RNLS: variants seen among roughly 807,000 people sequenced by gnomAD.
RNLS encodes renalase, FAD dependent amine oxidase, also known as renalase.
Under a neutral mutation model 39.8 loss-of-function variants are expected in RNLS, and 39 were observed. That is an observed-to-expected ratio of 0.98 (90% CI 0.76 to 1.28). The LOEUF is 1.28. Among genes scored for constraint, RNLS ranks in the 50% most tolerant of loss-of-function variants. The probability of loss-of-function intolerance (pLI) is 0.00; values close to 1 mark genes in which losing one functional copy is unlikely to be tolerated. For synonymous variants in RNLS, 147 were observed against 150.7 expected, an observed-to-expected ratio of 0.98 and a Z score of 0.18; for missense variants, 410 against 413.3, an observed-to-expected ratio of 0.99 and a Z score of 0.07.
chr10:88,218,736 C>T, the RNLS span, among the ~76,000 whole-genome samples: 1 of 152,218 alleles, frequency 6.6e-6, no homozygotes, highest in Non-Finnish European at 1.5e-5. Context: ...GATTCTTCAT[C>T]TTAAATCACC....
the RNLS span, among the ~76,000 whole-genome samples, chr10:88,233,583 G>A: frequency 6.6e-6 from 1 of 152,142 alleles, no homozygotes; most frequent in Non-Finnish European, 1.5e-5. Context: ...GGATAAGTAC[G>A]TCCCATGCAA....
intron 4 of RNLS, among the ~76,000 whole-genome samples, chr10:88,463,544 G>A (rs917281038): frequency 6.6e-5 from 10 of 151,860 alleles, no homozygotes; most frequent in African/African-American, 2.2e-4. Flanking sequence ...CATACAAACT[G>A]TAAATTCTTC....
In RNLS at chr10:88,583,163, C is replaced by G; in HGVS notation, c.28G>C (p.Gly10Arg). Residue 10 changes from glycine to arginine, a missense_variant, in exon 1 of 7, where the codon GGG (glycine) becomes CGG (arginine). Physicochemically the swap from Gly to Arg is moderately radical, Grantham distance 125. Coordinates refer to ENST00000331772, the MANE Select transcript of RNLS (RefSeq NM_001031709.3). ...GCAGCGCACAAGCTTCCTGTCATCC[C>G]GGCGCCCACGATCAGCACCTGCGCC... is the stretch of plus-strand genomic sequence containing the variant. MAQVLIVGAGMTGSLCAALL... is the reference protein window; with the variant it reads MAQVLIVGARMTGSLCAALL... The G allele has an allele frequency of 6.2e-7, 1 of 1,614,042 alleles. No homozygotes were observed. Among genetic ancestry groups the G allele is most frequent in the Non-Finnish European group, 8.5e-7 (1 of 1,179,948 alleles).
chr10:88,423,824 G>C (rs2133772668), intron 4 of RNLS, among the ~76,000 whole-genome samples: 1 of 152,244 alleles, frequency 6.6e-6, no homozygotes, highest in Admixed American at 6.5e-5. Context: ...TCTACAGCAG[G>C]TATGGACCCT....
At chr10:88,212,968 A>T in the RNLS span, among the ~76,000 whole-genome samples, 1 of 152,224 alleles carries the variant, frequency 6.6e-6, no homozygotes, top group Non-Finnish European at 1.5e-5. Context: ...GATTCAGAAG[A>T]ATGTGAGTCC....
At chr10:88,325,745 A>G (rs1019386645) in intron 5 of RNLS, among the ~76,000 whole-genome samples, 4 of 152,174 alleles carry the variant, frequency 2.6e-5, no homozygotes, top group Non-Finnish European at 4.4e-5. Flanking sequence ...TCTCTCTATG[A>G]TTGACATGGT....
chr10:88,336,298 A>G (rs1847488967), intron 5 of RNLS, among the ~76,000 whole-genome samples: 1 of 152,222 alleles, frequency 6.6e-6, no homozygotes, highest in African/African-American at 2.4e-5. Flanking sequence ...CTGTGGATGT[A>G]TGCATTTGCC....
chr10:88,281,881 GA>G (rs1351254613), downstream of RNLS, among the ~76,000 whole-genome samples: 1 of 151,884 alleles, frequency 6.6e-6, no homozygotes, highest in Non-Finnish European at 1.5e-5. Flanking sequence ...CATAGGAGAA[GA>G]GGCAGGAAAA....
intron 5 of RNLS, among the ~76,000 whole-genome samples, chr10:88,342,375 T>G (rs920688894): frequency 5.9e-5 from 9 of 152,214 alleles, no homozygotes; most frequent in Non-Finnish European, 1.0e-4. Flanking sequence ...ATAAATGAAC[T>G]CAAGAAAAGC....
At chr10:88,524,075 T>C (rs1846927988) in intron 4 of RNLS, among the ~76,000 whole-genome samples, 1 of 152,066 alleles carries the variant, frequency 6.6e-6, no homozygotes, top group African/African-American at 2.4e-5. Context: ...TTGAACTCTA[T>C]CTTCTCGTAA....
intron 4 of RNLS, among the ~76,000 whole-genome samples, chr10:88,476,449 T>C (rs2133998687): frequency 6.6e-6 from 1 of 152,308 alleles, no homozygotes; most frequent in South Asian, 2.1e-4. Flanking sequence ...GCTATTCTTT[T>C]ATCCATGCTG....
At chr10:88,385,825 T>A (rs1419710546) in intron 4 of RNLS, among the ~76,000 whole-genome samples, 1 of 152,162 alleles carries the variant, frequency 6.6e-6, no homozygotes, top group Admixed American at 6.5e-5. Context: ...AGAAGAGAAG[T>A]TACAGGCAGA....
At chr10:88,404,009 A>G (rs552693541) in intron 4 of RNLS, among the ~76,000 whole-genome samples, 2 of 152,102 alleles carry the variant, frequency 1.3e-5, no homozygotes, top group African/African-American at 2.4e-5. Flanking sequence ...ACACCAATGA[A>G]CTCCAGCCTC....
chr10:88,459,801 T>C (rs78580928), intron 4 of RNLS, among the ~76,000 whole-genome samples: 6,598 of 152,216 alleles, frequency 0.043, 228 homozygotes, highest in Non-Finnish European at 0.058. Flanking sequence ...TTTCTACATA[T>C]CTGTACTCAC....
chr10:88,463,551 C>T (rs182316503), intron 4 of RNLS, among the ~76,000 whole-genome samples: 1 of 152,042 alleles, frequency 6.6e-6, no homozygotes, highest in African/African-American at 2.4e-5. Flanking sequence ...ACTGTAAATT[C>T]TTCTTGGAAA....
intron 4 of RNLS, among the ~76,000 whole-genome samples, chr10:88,529,270 G>T (rs1847280510): frequency 6.6e-6 from 1 of 152,140 alleles, no homozygotes; most frequent in Non-Finnish European, 1.5e-5. Context: ...AGTTTGATCT[G>T]CTTCTCCCTA....
chr10:88,244,246 G>T, the RNLS span, among the ~76,000 whole-genome samples: 3 of 152,120 alleles, frequency 2.0e-5, no homozygotes, highest in Non-Finnish European at 4.4e-5. Flanking sequence ...GGACATAACT[G>T]CCCAGGGCGC....
intron 6 of RNLS, among the ~76,000 whole-genome samples, chr10:88,298,175 T>A (rs1466421327): frequency 6.6e-6 from 1 of 152,134 alleles, no homozygotes. Context: ...GGTTGGTTTT[T>A]TTATTTTTAT....
chr10:88,481,885 T>C (rs1844199319), intron 4 of RNLS, among the ~76,000 whole-genome samples: 1 of 152,168 alleles, frequency 6.6e-6, no homozygotes, highest in South Asian at 2.1e-4. Flanking sequence ...CTGTTAGCAA[T>C]GGATTCCTGT....
Sources: allele counts gnomAD v4.1 joint callset (sites outside exome capture counted in the v4.1 genomes callset), GRCh38; gene constraint gnomAD v4.1.1; transcripts MANE v1.5; gene names NCBI Gene and HGNC (gene_info 2026-07-23, HGNC 2026-07-21).